The following ASAP1 variants were observed in gnomAD, a reference collection of about 807,000 sequenced individuals.
ASAP1 encodes arf-GAP with SH3 domain, ANK repeat and PH domain-containing protein 1.
In ASAP1, 43 loss-of-function variants were observed where a neutral mutation model predicts 145.2. The observed-to-expected ratio is 0.30, with a 90% confidence interval of 0.23 to 0.38. ASAP1 has a LOEUF of 0.38. Ranked by LOEUF, ASAP1 falls within the 10% of genes least tolerant of loss-of-function variation. The probability of loss-of-function intolerance (pLI) is 1.00; values close to 1 mark genes in which losing one functional copy is unlikely to be tolerated. For synonymous variants in ASAP1, 546 were observed against 515.5 expected (o/e 1.06, Z -0.80); for missense variants, 1,018 against 1,355.3 (o/e 0.75, Z 3.91).
intron 3 of ASAP1, among the ~76,000 whole-genome samples, chr8:130,291,632 G>A (rs16904239): frequency 0.18 from 27,569 of 152,184 alleles, 3,165 homozygotes; most frequent in East Asian, 0.44. Flanking sequence ...AGTTTGACGA[G>A]TGAGTGAGAA....
At chr8:130,101,534 T>C (rs768134974) in intron 24 of ASAP1, among the ~76,000 whole-genome samples, 1 of 151,976 alleles carries the variant, frequency 6.6e-6, no homozygotes, top group Non-Finnish European at 1.5e-5. Flanking sequence ...TTTTAGTTTT[T>C]TGGGGGGTAG....
intron 9 of ASAP1, among the ~76,000 whole-genome samples, chr8:130,174,453 A>G (rs906455813): frequency 1.4e-5 from 2 of 144,128 alleles, no homozygotes; most frequent in African/African-American, 4.9e-5. Flanking sequence ...AAAAACCAGT[A>G]ACAGTAACAG....
In ASAP1 at chr8:130,443,648, G is replaced by C. The variant is rs1043507851; in HGVS notation, c.-216C>G. ...CAGGCGAGGCGCGGGAGCCGAGCGC[G>C]GCGCAGGAAGGGGCGGGCGACCATG... is the stretch of plus-strand genomic sequence containing the variant. On this transcript the variant is annotated 5_prime_UTR_variant, in exon 1 of 30. Transcript: ENST00000518721. The C allele has an allele frequency of 6.6e-6, 1 of 151,870 alleles. No homozygotes were observed. Among genetic ancestry groups the C allele is most frequent in the Non-Finnish European group, 1.5e-5 (1 of 68,088 alleles). The allele number at this position is 151,870 out of a possible 1,614,324, so 9.4% of individuals were successfully genotyped here.
chr8:130,263,913 CGT>C (rs1484101838), intron 3 of ASAP1, among the ~76,000 whole-genome samples: 9 of 152,170 alleles, frequency 5.9e-5, no homozygotes, highest in Non-Finnish European at 1.5e-5. Context: ...TCTAAAGTAA[CGT>C]AGACAATAAT....
chr8:130,398,080 G>T (rs1331264227), intron 2 of ASAP1, among the ~76,000 whole-genome samples: 1 of 152,252 alleles, frequency 6.6e-6, no homozygotes, highest in African/African-American at 2.4e-5. Context: ...AATCAGGCGA[G>T]TGTAGGTTTC....
At chr8:130,318,004 G>A (rs1186844867) in intron 3 of ASAP1, among the ~76,000 whole-genome samples, 6 of 152,210 alleles carry the variant, frequency 3.9e-5, no homozygotes, top group South Asian at 2.1e-4. Flanking sequence ...GCAAATGGAC[G>A]TGCAGAAAGC....
chr8:130,158,129 C>G (rs975439190), intron 12 of ASAP1, among the ~76,000 whole-genome samples: 3 of 151,904 alleles, frequency 2.0e-5, no homozygotes, highest in Non-Finnish European at 2.9e-5. Context: ...AAACAAATTA[C>G]AGTAAAAAAT....
chr8:130,292,716 G>T (rs1822021257), intron 3 of ASAP1, among the ~76,000 whole-genome samples: 1 of 152,096 alleles, frequency 6.6e-6, no homozygotes, highest in Non-Finnish European at 1.5e-5. Flanking sequence ...GGAAAATTTA[G>T]ATGGTGAAAA....
chr8:130,178,199 C>T (rs1055647138), intron 9 of ASAP1, among the ~76,000 whole-genome samples: 12 of 152,182 alleles, frequency 7.9e-5, no homozygotes, highest in African/African-American at 2.9e-4. Context: ...TCCAAACGAC[C>T]TTTACATTAT....
chr8:130,180,652 TCAAA>T, intron 8 of ASAP1, 95 bp downstream of exon 8: 1 of 1,378,816 alleles, frequency 7.3e-7, no homozygotes, highest in Non-Finnish European at 9.8e-7. Context: ...TCTCTAATAA[TCAAA>T]CAGAGTCTGC....
At chr8:130,157,752 T>G (rs775922356) in intron 12 of ASAP1, among the ~76,000 whole-genome samples, 1 of 152,200 alleles carries the variant, frequency 6.6e-6, no homozygotes, top group African/African-American at 2.4e-5. Context: ...GGTATCTGCA[T>G]AGATTTCTCT....
intron 15 of ASAP1, among the ~76,000 whole-genome samples, chr8:130,134,013 A>G (rs2097588394): frequency 6.6e-6 from 1 of 152,220 alleles, no homozygotes; most frequent in Admixed American, 6.5e-5. Context: ...ACAGGATCAC[A>G]GAAGGTTATG....
At chr8:130,322,805 T>G (rs1187660179) in intron 3 of ASAP1, among the ~76,000 whole-genome samples, 2 of 152,062 alleles carry the variant, frequency 1.3e-5, no homozygotes, top group African/African-American at 4.8e-5. Flanking sequence ...AAGGGCAGAA[T>G]GTGGTAAGAG....
intron 3 of ASAP1, among the ~76,000 whole-genome samples, chr8:130,316,782 A>G (rs1008829156): frequency 6.6e-6 from 1 of 152,274 alleles, no homozygotes; most frequent in Admixed American, 6.5e-5. Context: ...AGTTCCTTTT[A>G]GAGGAGAGAG....
At chr8:130,231,952 G>C (rs1817931401) in intron 4 of ASAP1, among the ~76,000 whole-genome samples, 1 of 152,198 alleles carries the variant, frequency 6.6e-6, no homozygotes. Context: ...AGATCAAGAT[G>C]TCTGCCAGGG....
intron 11 of ASAP1, among the ~76,000 whole-genome samples, chr8:130,163,659 T>G (rs1352544895): frequency 6.6e-6 from 1 of 152,218 alleles, no homozygotes; most frequent in African/African-American, 2.4e-5. Flanking sequence ...GAGGATTTTC[T>G]TTCCTGAGAA....
chr8:130,234,211 C>T (rs1002982537), intron 4 of ASAP1, among the ~76,000 whole-genome samples: 4 of 152,144 alleles, frequency 2.6e-5, no homozygotes, highest in African/African-American at 9.7e-5. Flanking sequence ...TATTTCTGCA[C>T]TATCCAATAT....
intron 29 of ASAP1, among the ~76,000 whole-genome samples, chr8:130,055,297 GAA>G (rs550577973): frequency 9.1e-4 from 68 of 74,370 alleles, no homozygotes; most frequent in African/African-American, 2.8e-3. Context: ...ATTTAAAAAA[GAA>G]AAAAAAAAAA....
intron 4 of ASAP1, among the ~76,000 whole-genome samples, chr8:130,218,061 G>A (rs1427199024): frequency 6.6e-6 from 1 of 151,902 alleles, no homozygotes; most frequent in Non-Finnish European, 1.5e-5. Context: ...TCAGAGGAGC[G>A]GCTCAGAAAA....
Sources: gnomAD v4.1 joint callset for allele counts (sites outside exome capture counted in the v4.1 genomes callset) on GRCh38, gnomAD v4.1.1 for gene constraint, MANE v1.5 for transcripts, NCBI Gene and HGNC (gene_info 2026-07-23, HGNC 2026-07-21) for gene names.